SYT12: variants seen among roughly 807,000 people sequenced by gnomAD.
SYT12 encodes synaptotagmin-12.
SYT12 carries 27 observed loss-of-function variants against 39.5 expected under a neutral mutation model. That is an observed-to-expected ratio of 0.68 (90% confidence interval 0.50 to 0.94). SYT12 has a LOEUF of 0.94. Ranked by LOEUF, SYT12 falls within the 40% of genes least tolerant of loss-of-function variation. The pLI is 0.00. For synonymous variants in SYT12, 233 were observed against 239.7 expected, an observed-to-expected ratio of 0.97 and a Z score of 0.26; for missense variants, 536 against 572.6, an observed-to-expected ratio of 0.94 and a Z score of 0.65.
upstream of SYT12, among the ~76,000 whole-genome samples, chr11:67,019,774 T>C (rs556145984): frequency 7.9e-5 from 12 of 151,752 alleles, no homozygotes; most frequent in Admixed American, 1.3e-4. Flanking sequence ...GGCGTGAGCC[T>C]GTAACCCAGC....
At chr11:67,028,621 C>T (rs1480364120) in intron 1 of SYT12, 1 of 152,250 alleles carries the variant, frequency 6.6e-6, no homozygotes, top group Admixed American at 6.5e-5. Context: ...TAGCTTTACC[C>T]TCTGATTCGA....
At chr11:67,042,774 G>A (rs927647909) in intron 4 of SYT12, among the ~76,000 whole-genome samples, 1 of 152,192 alleles carries the variant, frequency 6.6e-6, no homozygotes, top group Admixed American at 6.5e-5. Flanking sequence ...TGGGGGCAAG[G>A]AGCCCTTCAA....
chr11:67,013,946 G>A (rs1425269735), intron 3 of SYT12, among the ~76,000 whole-genome samples: 4 of 152,158 alleles, frequency 2.6e-5, no homozygotes, highest in Non-Finnish European at 5.9e-5. Context: ...CCCAGCTTCC[G>A]GGGGCTGCCA....
At chr11:67,044,845 A>G in intron 6 of SYT12, 132 bp downstream of exon 6, 2 of 1,355,594 alleles carry the variant, frequency 1.5e-6, no homozygotes, top group Non-Finnish European at 2.0e-6. Context: ...AGCTTTGCTG[A>G]GCCCAGAAGT....
At chr11:67,042,245 G>C (rs1950526210) in intron 4 of SYT12, among the ~76,000 whole-genome samples, 1 of 152,176 alleles carries the variant, frequency 6.6e-6, no homozygotes. Flanking sequence ...GTTAATGTAT[G>C]TGAAGTTCTT....
At chr11:67,016,995 C>G (rs150233890) in intron 3 of SYT12, among the ~76,000 whole-genome samples, 1 of 152,310 alleles carries the variant, frequency 6.6e-6, no homozygotes, top group African/African-American at 2.4e-5. Flanking sequence ...ATTGTTATTT[C>G]AAAGAAAAGA....
chr11:67,046,099 C>T (rs1334476117), intron 7 of SYT12, among the ~76,000 whole-genome samples: 2 of 151,996 alleles, frequency 1.3e-5, no homozygotes, highest in African/African-American at 4.8e-5. Flanking sequence ...CAGGAGAGTC[C>T]CTAATCCACT....
chr11:67,019,534 C>T (rs566862625), upstream of SYT12, among the ~76,000 whole-genome samples: 10 of 151,880 alleles, frequency 6.6e-5, no homozygotes, highest in Admixed American at 2.0e-4. Flanking sequence ...CGGGGGAAAC[C>T]GCCCCCCACG....
At position 67,048,613 on chromosome 11, in the gene SYT12, G is replaced by C; in HGVS notation, c.1122G>C (p.Glu374Asp). 6.2e-7 allele frequency: 1 copy of C among 1,606,860 alleles called. No individual in the cohort carries two copies. Among genetic ancestry groups the C allele is most frequent in the Non-Finnish European group, 8.5e-7 (1 of 1,174,274 alleles). ...TGTCTCTCCGCGTGACGGTGGCTGA[G>C]AGCAGCAGCGACGGCCGTGGGGACA... ...QDLSLRVTVA[E>D]SSSDGRGDNV... The change falls in exon 8 of 8, where the codon GAG (glutamate) becomes GAC (aspartate). Residue 374 changes from glutamate to aspartate, a missense_variant. Glu to Asp is a conservative substitution (Grantham distance 45). Coordinates refer to ENST00000527043, the MANE Select transcript of SYT12 (RefSeq NM_177963.4).
intron 4 of SYT12, 36 bp downstream of exon 4, chr11:67,040,239 T>C (rs1222434554): frequency 6.5e-7 from 1 of 1,538,132 alleles, no homozygotes; most frequent in East Asian, 2.3e-5. Flanking sequence ...AAGGGTGCTC[T>C]GGGCTCACTA....
intron 1 of SYT12, among the ~76,000 whole-genome samples, chr11:67,009,445 C>T (rs966071475): frequency 6.6e-6 from 1 of 152,146 alleles, no homozygotes; most frequent in Non-Finnish European, 1.5e-5. Context: ...GTATGTGCCC[C>T]CACACCTGGC....
Position 67,039,966 on chromosome 11 carries a change from C to T in SYT12, c.384C>T (p.Leu128=), listed in dbSNP as rs1426987451. ...RELDLAPYGT[L]RKSQSADSLN... is the part of the protein sequence containing the mutation. ...TGGACCTGGCCCCCTATGGGACCCT[C>T]CGGAAGTCCCAGTCGGCCGACTCCC... Residue 128 remains leucine (L), a synonymous_variant, in exon 4 of 8, where the codon CTC becomes CTT. Transcript: ENST00000527043. 6.2e-7 allele frequency: 1 copy of T among 1,613,748 alleles called. No individual in the cohort carries two copies. Among genetic ancestry groups the T allele is most frequent in the Admixed American group, 1.7e-5 (1 of 60,028 alleles).
rs765049987 is a variant in SYT12, at chr11:67,048,850, G to A, written c.*93G>A. On this transcript the variant is annotated 3_prime_UTR_variant, in exon 8 of 8. Transcript: ENST00000527043. ...CCCTCTCCATAGCCCAGCTGGAGCC[G>A]TGAACACTGGGGTCCCCTGGCAGAG... 128 of 1,418,876 alleles carry A rather than the reference G, an allele frequency of 9.0e-5. No homozygotes were observed. Among genetic ancestry groups the A allele is most frequent in the Non-Finnish European group, 1.1e-4 (121 of 1,053,410 alleles). 87.9% of individuals were successfully genotyped at this position (1,418,876 alleles called of 1,614,324 possible). A position where few individuals can be genotyped will look rare whatever the true frequency, so the allele number is the denominator to read the frequency against.
chr11:67,039,936 G>C lies in SYT12; in HGVS notation c.354G>C (p.Arg118=), dbSNP rs572041584. The C allele has an allele frequency of 1.6e-4, 265 of 1,613,756 alleles. No individual in the cohort carries two copies. The highest frequency in any genetic ancestry group is 2.1e-4 in the Non-Finnish European group (247 of 1,180,040). ...TGGGGCCTCTGGAGCTGATGGGCCGGGAGTTGGACCTGGCCCCCTATGGGA... is the reference window on the plus strand; with the variant it reads ...TGGGGCCTCTGGAGCTGATGGGCCGCGAGTTGGACCTGGCCCCCTATGGGA... ...SELGPLELMG[R]ELDLAPYGTL... Residue 118 remains arginine, a synonymous_variant, in exon 4 of 8, where the codon CGG becomes CGC. Transcript: ENST00000527043.
At chr11:67,033,543 GA>G (rs1367689553) in intron 2 of SYT12, among the ~76,000 whole-genome samples, 2 of 152,176 alleles carry the variant, frequency 1.3e-5, no homozygotes, top group African/African-American at 4.8e-5. Flanking sequence ...GTGCGGGGTC[GA>G]GGCCGGGTGG....
chr11:67,035,055 G>A (rs1036375685), intron 3 of SYT12, among the ~76,000 whole-genome samples: 1 of 147,582 alleles, frequency 6.8e-6, no homozygotes, highest in Non-Finnish European at 1.5e-5. Flanking sequence ...TGTTGCCCAG[G>A]CTGGAGTGCA....
At position 67,040,143 on chromosome 11, in the gene SYT12, C is replaced by T. The variant is rs200181928; in HGVS notation, c.561C>T (p.Phe187=). 10 of 1,609,514 alleles carry T rather than the reference C, an allele frequency of 6.2e-6. No homozygotes were observed. The highest frequency in any genetic ancestry group is 3.3e-5 in the Admixed American group (2 of 59,876). The change falls in exon 4 of 8, where the codon TTC becomes TTT. Residue 187 remains phenylalanine (F), a synonymous_variant. Coordinates refer to ENST00000527043, the MANE Select transcript of SYT12 (RefSeq NM_177963.4). ...TCCTGGAGCGGGAGGAGGCCAGCTT[C>T]GAGTCCTGCTTCATGCGCGTCAGCC... ...KDLLEREEAS[F]ESCFMRVSLL...
chr11:67,044,739 C>T (rs1275095000), intron 6 of SYT12, 26 bp downstream of exon 6: 5 of 1,612,792 alleles, frequency 3.1e-6, no homozygotes, highest in East Asian at 4.5e-5. Context: ...CAGCCCGGCT[C>T]CTCCACGTAG....
At chr11:67,042,874 G>C (rs1343311160) in intron 4 of SYT12, among the ~76,000 whole-genome samples, 2 of 152,144 alleles carry the variant, frequency 1.3e-5, no homozygotes, top group Non-Finnish European at 2.9e-5. Context: ...ATGGTGGCCG[G>C]TGGCGCTGGG....
Sources: gnomAD v4.1 joint callset for allele counts (sites outside exome capture counted in the v4.1 genomes callset) on GRCh38, gnomAD v4.1.1 for gene constraint, MANE v1.5 for transcripts, NCBI Gene and HGNC (gene_info 2026-07-23, HGNC 2026-07-21) for gene names.